SUPT3H: variants seen among roughly 807,000 people sequenced by gnomAD.
SUPT3H encodes SPT3 homolog, SAGA and STAGA complex component, also known as transcription initiation protein SPT3 homolog.
A neutral mutation model predicts 44.3 loss-of-function variants in SUPT3H; 44 were observed. The observed-to-expected ratio is 0.99, with a 90% CI of 0.78 to 1.28. The LOEUF is 1.28. SUPT3H is among the 50% of genes most tolerant of loss of function. The pLI, the probability that SUPT3H is intolerant of heterozygous loss-of-function variation, is 0.00. For synonymous variants in SUPT3H, 124 were observed against 125.6 expected (o/e 0.99, Z 0.09); for missense variants, 380 against 387.1 (o/e 0.98, Z 0.15).
intron 6 of SUPT3H, among the ~76,000 whole-genome samples, chr6:44,985,418 T>C (rs535643923): frequency 4.9e-4 from 75 of 151,690 alleles, no homozygotes; most frequent in Non-Finnish European, 8.7e-4. Flanking sequence ...TAAAAGAAGA[T>C]ATAGAATCTC....
At chr6:45,068,105 C>G (rs1393186687) in intron 3 of SUPT3H, among the ~76,000 whole-genome samples, 1 of 148,502 alleles carries the variant, frequency 6.7e-6, no homozygotes, top group African/African-American at 2.5e-5. Context: ...AAATGTGGCA[C>G]ATATATACCA....
chr6:44,928,909 A>AAAG (rs1491361687), intron 10 of SUPT3H, among the ~76,000 whole-genome samples: 3 of 139,140 alleles, frequency 2.2e-5, no homozygotes, highest in African/African-American at 8.1e-5. Flanking sequence ...AAAAAAGAAA[A>AAAG]GAAAAGAAAC....
chr6:45,269,115 G>A (rs1775720037), intron 2 of SUPT3H, among the ~76,000 whole-genome samples: 1 of 152,126 alleles, frequency 6.6e-6, no homozygotes, highest in East Asian at 1.9e-4. Flanking sequence ...AATTTGAGCA[G>A]CACATACTAA....
At chr6:44,843,562 C>T (rs1442935757) in intron 10 of SUPT3H, among the ~76,000 whole-genome samples, 2 of 151,770 alleles carry the variant, frequency 1.3e-5, no homozygotes, top group East Asian at 3.9e-4. Context: ...AAATCAACAC[C>T]AGAAAAAAAT....
chr6:45,011,800 G>A (rs1449086804), intron 5 of SUPT3H, among the ~76,000 whole-genome samples: 1 of 151,850 alleles, frequency 6.6e-6, no homozygotes, highest in African/African-American at 2.4e-5. Context: ...CTTTATAAAT[G>A]TGTGGATTCA....
At chr6:45,143,498 T>A (rs904127210) in intron 2 of SUPT3H, among the ~76,000 whole-genome samples, 2 of 152,102 alleles carry the variant, frequency 1.3e-5, no homozygotes, top group East Asian at 3.8e-4. Flanking sequence ...TAAAAATTCT[T>A]TGAACTGAAT....
intron 2 of SUPT3H, among the ~76,000 whole-genome samples, chr6:45,223,683 C>T (rs1052846472): frequency 6.6e-6 from 1 of 151,690 alleles, no homozygotes; most frequent in African/African-American, 2.4e-5. Flanking sequence ...CTATCAAATC[C>T]TAGCAAATTC....
intron 10 of SUPT3H, among the ~76,000 whole-genome samples, chr6:44,929,043 G>T (rs910042448): frequency 1.3e-5 from 2 of 151,902 alleles, no homozygotes; most frequent in Admixed American, 1.3e-4. Context: ...GCAGGTGACT[G>T]ATGTTTATGC....
At chr6:45,096,609 A>C (rs1312957810) in intron 3 of SUPT3H, among the ~76,000 whole-genome samples, 1 of 151,746 alleles carries the variant, frequency 6.6e-6, no homozygotes, top group Non-Finnish European at 1.5e-5. Flanking sequence ...TCAAAGAAAG[A>C]CGAGACAAAA....
intron 2 of SUPT3H, among the ~76,000 whole-genome samples, chr6:45,238,975 G>T (rs1023805533): frequency 6.6e-6 from 1 of 152,152 alleles, no homozygotes; most frequent in African/African-American, 2.4e-5. Flanking sequence ...AATTGAAGGT[G>T]CTGAGAATGT....
chr6:45,177,733 C>T (rs970093761), intron 2 of SUPT3H, among the ~76,000 whole-genome samples: 81 of 152,070 alleles, frequency 5.3e-4, no homozygotes, highest in African/African-American at 1.8e-3. Flanking sequence ...AGCAGAAACT[C>T]TACAAGCCAG....
At chr6:44,953,697 T>C (rs1045276670) in intron 8 of SUPT3H, among the ~76,000 whole-genome samples, 6 of 152,276 alleles carry the variant, frequency 3.9e-5, no homozygotes, top group African/African-American at 1.4e-4. Context: ...TAGGTCTGTT[T>C]TAAGCATATA....
intron 2 of SUPT3H, among the ~76,000 whole-genome samples, chr6:45,242,529 G>T (rs538721306): frequency 2.1e-3 from 327 of 152,300 alleles, no homozygotes; most frequent in Admixed American, 3.8e-3. Flanking sequence ...GTTCACACCA[G>T]TCAGAGTGTA....
chr6:45,377,397 G>C (rs1402494566), intron 1 of SUPT3H: 1 of 152,302 alleles, frequency 6.6e-6, no homozygotes, highest in Non-Finnish European at 1.5e-5. Flanking sequence ...GTGCCATAAA[G>C]CAACAATTTC....
intron 6 of SUPT3H, among the ~76,000 whole-genome samples, chr6:44,981,572 A>G (rs1779095267): frequency 6.6e-6 from 1 of 152,166 alleles, no homozygotes; most frequent in Non-Finnish European, 1.5e-5. Context: ...ATTTTATACC[A>G]TTAGAAAAAG....
chr6:45,037,434 G>A (rs1211139377), intron 3 of SUPT3H, among the ~76,000 whole-genome samples: 4 of 151,128 alleles, frequency 2.6e-5, no homozygotes, highest in Non-Finnish European at 5.9e-5. Context: ...GGATCACAAG[G>A]TCAGGAGTTA....
chr6:45,173,066 A>G (rs1271328001), intron 2 of SUPT3H, among the ~76,000 whole-genome samples: 1 of 152,230 alleles, frequency 6.6e-6, no homozygotes, highest in East Asian at 1.9e-4. Flanking sequence ...GAGAAGGTAC[A>G]TACAAATAAT....
At chr6:45,282,180 C>G (rs1584676225) in intron 2 of SUPT3H, among the ~76,000 whole-genome samples, 1 of 152,174 alleles carries the variant, frequency 6.6e-6, no homozygotes, top group African/African-American at 2.4e-5. Flanking sequence ...AATCAGAGCA[C>G]CTCTCCTCCT....
intron 2 of SUPT3H, among the ~76,000 whole-genome samples, chr6:45,299,752 CA>C (rs35005958): frequency 3.2e-3 from 327 of 103,154 alleles, no homozygotes; most frequent in Middle Eastern, 0.018. Context: ...CCGGCTCTGC[CA>C]AAAAAAAAAA....
Sources: allele counts gnomAD v4.1 joint callset (sites outside exome capture counted in the v4.1 genomes callset), GRCh38; gene constraint gnomAD v4.1.1; transcripts MANE v1.5; gene names NCBI Gene and HGNC (gene_info 2026-07-23, HGNC 2026-07-21).